Variants in SEMA5A observed in about 807,000 individuals in gnomAD.
SEMA5A encodes the protein semaphorin 5A, also known as semaphorin-5A.
SEMA5A carries 55 observed loss-of-function variants against 135.5 expected under a neutral mutation model. The ratio of observed to expected loss-of-function variants is 0.41; its 90% CI spans 0.33 to 0.51. The LOEUF (loss-of-function observed/expected upper bound fraction) is 0.51. Ranked by LOEUF, SEMA5A falls within the 20% of genes least tolerant of loss-of-function variation. The pLI, the probability that SEMA5A is intolerant of heterozygous loss-of-function variation, is 0.37. For missense variants in SEMA5A, 1,290 were observed against 1,419.9 expected, an observed-to-expected ratio of 0.91 and a Z score of 1.47; for synonymous variants, 580 against 546.5, an observed-to-expected ratio of 1.06 and a Z score of -0.85.
At chr5:9,142,149 A>G (rs1742097671) in intron 12 of SEMA5A, among the ~76,000 whole-genome samples, 2 of 152,250 alleles carry the variant, frequency 1.3e-5, no homozygotes, top group Admixed American at 1.3e-4. Context: ...ATCAACAACC[A>G]GTTGCAAAGG....
intron 1 of SEMA5A, among the ~76,000 whole-genome samples, chr5:9,501,157 A>G (rs1260408411): frequency 6.6e-6 from 1 of 152,246 alleles, no homozygotes; most frequent in Non-Finnish European, 1.5e-5. Flanking sequence ...TCCAATTAAA[A>G]TATACTTGGA....
At chr5:9,213,205 T>C (rs775647609) in intron 8 of SEMA5A, among the ~76,000 whole-genome samples, 1 of 152,258 alleles carries the variant, frequency 6.6e-6, no homozygotes, top group Non-Finnish European at 1.5e-5. Flanking sequence ...AATTTTAACC[T>C]ACGACTTTTG....
intron 11 of SEMA5A, among the ~76,000 whole-genome samples, chr5:9,178,498 C>CT (rs1401809852): frequency 2.0e-5 from 3 of 151,582 alleles, no homozygotes; most frequent in Non-Finnish European, 2.9e-5. Flanking sequence ...CACCCGGCTA[C>CT]TTTTTTTTAT....
intron 13 of SEMA5A, among the ~76,000 whole-genome samples, chr5:9,135,177 T>C (rs982074446): frequency 1.4e-5 from 2 of 143,468 alleles, no homozygotes; most frequent in African/African-American, 5.3e-5. Context: ...TTTTCCGACT[T>C]TCTTTTTTTT....
intron 2 of SEMA5A, among the ~76,000 whole-genome samples, chr5:9,421,297 T>C (rs1757459144): frequency 6.6e-6 from 1 of 152,240 alleles, no homozygotes. Flanking sequence ...CCAGGTATGA[T>C]TAAAATTAAT....
intron 5 of SEMA5A, among the ~76,000 whole-genome samples, chr5:9,244,250 C>T (rs1028219084): frequency 6.6e-6 from 1 of 152,176 alleles, no homozygotes; most frequent in African/African-American, 2.4e-5. Context: ...TCTATTAAGC[C>T]CTACCGGGGC....
chr5:9,381,175 C>T (rs1374973194), intron 2 of SEMA5A, among the ~76,000 whole-genome samples: 1 of 151,998 alleles, frequency 6.6e-6, no homozygotes, highest in Non-Finnish European at 1.5e-5. Flanking sequence ...TTAATAAGAC[C>T]ATTATCACAA....
At chr5:9,064,623 A>G (rs1002816175) in intron 17 of SEMA5A, among the ~76,000 whole-genome samples, 1 of 152,160 alleles carries the variant, frequency 6.6e-6, no homozygotes, top group Non-Finnish European at 1.5e-5. Flanking sequence ...GGAGGGGAAC[A>G]CCACAGACCG....
At chr5:9,143,149 G>A (rs996105027) in intron 12 of SEMA5A, among the ~76,000 whole-genome samples, 10 of 152,068 alleles carry the variant, frequency 6.6e-5, no homozygotes, top group Non-Finnish European at 1.0e-4. Context: ...GAGTTATATC[G>A]TGCTAGACAG....
chr5:9,459,862 T>C (rs1278909238), intron 1 of SEMA5A, among the ~76,000 whole-genome samples: 1 of 152,220 alleles, frequency 6.6e-6, no homozygotes, highest in East Asian at 1.9e-4. Context: ...AATATAAATG[T>C]ATATTTTAAA....
At position 9,041,307 on chromosome 5, in the gene SEMA5A, T is replaced by A. The variant is rs1735953655; in HGVS notation, c.*1590A>T. On this transcript the variant is annotated 3_prime_UTR_variant, in exon 23 of 23. Coordinates refer to ENST00000382496, the MANE Select transcript of SEMA5A (RefSeq NM_003966.3). Reference sequence around the variant, plus strand: ...ATTCTATGTTCCTTAGTCCCCCTACTATATTTTCTTTCATAGATCCGAAGG... The same window carrying A: ...ATTCTATGTTCCTTAGTCCCCCTACAATATTTTCTTTCATAGATCCGAAGG... 1.3e-5 allele frequency: 2 copies of A among 152,240 alleles called. No individual in the cohort carries two copies. Among genetic ancestry groups the A allele is most frequent in the Admixed American group, 1.3e-4 (2 of 15,290 alleles). The allele number at this position is 152,240 out of a possible 1,614,324, so 9.4% of individuals were successfully genotyped here.
At chr5:9,142,426 G>A (rs905547542) in intron 12 of SEMA5A, among the ~76,000 whole-genome samples, 2 of 152,156 alleles carry the variant, frequency 1.3e-5, no homozygotes, top group African/African-American at 4.8e-5. Context: ...CAGAGTCCTT[G>A]GGCTCCACTA....
chr5:9,408,148 T>C (rs2126593609), intron 2 of SEMA5A, among the ~76,000 whole-genome samples: 1 of 148,940 alleles, frequency 6.7e-6, no homozygotes, highest in Admixed American at 6.7e-5. Context: ...TCAACATCAT[T>C]ATCACCACCA....
intron 3 of SEMA5A, among the ~76,000 whole-genome samples, chr5:9,341,981 G>A (rs74332068): frequency 0.023 from 3,496 of 151,086 alleles, 125 homozygotes; most frequent in African/African-American, 0.079. Context: ...TTCAAGAAAC[G>A]ATTTATTTTA....
intron 5 of SEMA5A, among the ~76,000 whole-genome samples, chr5:9,316,356 T>C (rs2150662775): frequency 6.6e-6 from 1 of 152,322 alleles, no homozygotes; most frequent in African/African-American, 2.4e-5. Flanking sequence ...GAATTAAGTT[T>C]AGAAACAAAG....
intron 17 of SEMA5A, among the ~76,000 whole-genome samples, chr5:9,066,190 T>G (rs1737453620): frequency 2.0e-5 from 3 of 152,246 alleles, no homozygotes; most frequent in South Asian, 2.1e-4. Context: ...TATAGTGTTA[T>G]CTGGGGGCCT....
chr5:9,083,578 TCATCCATTCATC>T (rs199660034), intron 16 of SEMA5A, among the ~76,000 whole-genome samples: 43,989 of 102,642 alleles, frequency 0.43, 6,924 homozygotes, highest in East Asian at 0.58. Context: ...TTCCATTCAT[TCATCCATTCATC>T]CATCCATCCA....
intron 2 of SEMA5A, among the ~76,000 whole-genome samples, chr5:9,430,391 A>G (rs1191888574): frequency 6.6e-6 from 1 of 152,204 alleles, no homozygotes; most frequent in African/African-American, 2.4e-5. Flanking sequence ...CTGAAGATAG[A>G]CATGTGGGAG....
intron 1 of SEMA5A, among the ~76,000 whole-genome samples, chr5:9,537,152 A>G (rs1338624829): frequency 6.6e-6 from 1 of 152,240 alleles, no homozygotes; most frequent in Non-Finnish European, 1.5e-5. Context: ...ACATAATTCT[A>G]TACATAACAC....
Sources: allele counts gnomAD v4.1 joint callset (sites outside exome capture counted in the v4.1 genomes callset), GRCh38; gene constraint gnomAD v4.1.1; transcripts MANE v1.5; gene names NCBI Gene and HGNC (gene_info 2026-07-23, HGNC 2026-07-21).